Variants in ACP1 observed in about 807,000 individuals in gnomAD.
ACP1 encodes acid phosphatase 1, also known as low molecular weight phosphotyrosine protein phosphatase.
ACP1 carries 23 observed loss-of-function variants against 23.4 expected under a neutral mutation model. That is an observed-to-expected ratio of 0.98 (90% CI 0.71 to 1.39). The LOEUF is 1.39. Among genes scored for constraint, ACP1 ranks in the 40% most tolerant of loss-of-function variants. The pLI is 0.00. For synonymous variants in ACP1, 72 were observed against 67.2 expected, an observed-to-expected ratio of 1.07 and a Z score of -0.35; for missense variants, 180 against 197.7, an observed-to-expected ratio of 0.91 and a Z score of 0.54.
chr2:272,970 A>T (rs185523424), intron 3 of ACP1: 1 of 154,434 alleles, frequency 6.5e-6, no homozygotes, highest in African/African-American at 2.4e-5. Flanking sequence ...ATCCATCCTC[A>T]TCTCTTCAGG....
chr2:268,482 T>C (rs1321728225), intron 1 of ACP1, among the ~76,000 whole-genome samples: 5 of 152,206 alleles, frequency 3.3e-5, no homozygotes. Flanking sequence ...TTAGTGAAGA[T>C]GATGCAGGAG....
Position 272,153 on chromosome 2 carries a change from A to G in ACP1, c.231+3A>G. 6.2e-7 allele frequency: 1 copy of G among 1,614,218 alleles called. No individual in the cohort carries two copies. The highest frequency in any genetic ancestry group is 8.5e-7 in the Non-Finnish European group (1 of 1,180,042). On this transcript the variant is annotated splice_donor_region_variant and intron_variant, in intron 3 of 5. Coordinates refer to ENST00000272065, the MANE Select transcript of ACP1 (RefSeq NM_004300.4). ...CCATGAGCCACGTTGCCCGGCAGGT[A>G]CCGTCCTTGGACTTGAAGTTGTGTG...
chr2:277,457 G>A lies in ACP1; in HGVS notation c.*153G>A, dbSNP rs1460252540. The A allele has an allele frequency of 1.7e-4, 114 of 674,238 alleles. 1 individual carries two copies. The East Asian group carries it at 3.0e-3, about 18-fold the overall frequency. The allele number at this position is 674,238 out of a possible 1,614,324, so 41.8% of individuals were successfully genotyped here. A position where few individuals can be genotyped will look rare whatever the true frequency, so the allele number is the denominator to read the frequency against. Reference sequence around the variant, plus strand: ...CTTACCTTAAAAAGTAATTGTAGATGGAAATCAGTTGTGTTTGGCAGGAGA... The same window carrying A: ...CTTACCTTAAAAAGTAATTGTAGATAGAAATCAGTTGTGTTTGGCAGGAGA... On this transcript the variant is annotated 3_prime_UTR_variant, in exon 6 of 6. Coordinates refer to ENST00000272065, the MANE Select transcript of ACP1 (RefSeq NM_004300.4).
At chr2:275,945 A>T (rs1670159460) in intron 4 of ACP1, among the ~76,000 whole-genome samples, 1 of 152,214 alleles carries the variant, frequency 6.6e-6, no homozygotes, top group African/African-American at 2.4e-5. Context: ...TTTTTTATTA[A>T]TTAGGACCTT....
chr2:272,396 G>T (rs1480935125), intron 3 of ACP1: 1 of 1,507,284 alleles, frequency 6.6e-7, no homozygotes, highest in African/African-American at 1.4e-5. Context: ...ATTAATGAAT[G>T]TGTTTATTTA....
At chr2:275,111 CTG>C (rs1322097389) in intron 3 of ACP1, 27 bp from the exon 4 acceptor site, 5 of 1,288,340 alleles carry the variant, frequency 3.9e-6, no homozygotes, top group African/African-American at 2.9e-5. Flanking sequence ...GGTATAAACA[CTG>C]TGTTTTGACT....
At chr2:269,777 C>G (rs1487602534) in intron 1 of ACP1, among the ~76,000 whole-genome samples, 1 of 152,228 alleles carries the variant, frequency 6.6e-6, no homozygotes, top group Non-Finnish European at 1.5e-5. Flanking sequence ...GACAGCATTT[C>G]AGAGGGGCCC....
At chr2:267,322 C>T (rs1245338706) in intron 1 of ACP1, among the ~76,000 whole-genome samples, 1 of 152,182 alleles carries the variant, frequency 6.6e-6, no homozygotes, top group Non-Finnish European at 1.5e-5. Flanking sequence ...CTCTGGAGCT[C>T]ACGTTCTCTC....
rs771531046 is a variant in ACP1, at chr2:277,001, T to C, written c.315T>C (p.Asn105=). ...ACAGAGATTTGAATAGAAAAAGTAA[T>C]CAAGTTAAAACCTGCAAAGCTAAAA... ...SNLRDLNRKS[N]QVKTCKAKIE... Residue 105 remains asparagine (N), a synonymous_variant, in exon 5 of 6, where the codon AAT becomes AAC. Transcript: ENST00000272065. 6.2e-7 allele frequency: 1 copy of C among 1,604,310 alleles called. No individual in the cohort carries two copies. The highest frequency in any genetic ancestry group is 8.5e-7 in the Non-Finnish European group (1 of 1,175,040).
chr2:268,006 G>A (rs970593736), intron 1 of ACP1, among the ~76,000 whole-genome samples: 1 of 152,170 alleles, frequency 6.6e-6, no homozygotes, highest in Non-Finnish European at 1.5e-5. Flanking sequence ...TCTTACCGCT[G>A]TGGGCTGTAC....
At chr2:266,732 G>C (rs896407279) in intron 1 of ACP1, among the ~76,000 whole-genome samples, 1 of 152,158 alleles carries the variant, frequency 6.6e-6, no homozygotes, top group Non-Finnish European at 1.5e-5. Flanking sequence ...CTTTTTCCTT[G>C]TTTACATTTT....
chr2:275,320 C>A, intron 4 of ACP1, 119 bp downstream of exon 4: 1 of 474,094 alleles, frequency 2.1e-6, no homozygotes, highest in East Asian at 3.1e-5. Context: ...TGATGGTCAC[C>A]ATATGTAGAA....
intron 3 of ACP1, chr2:272,470 G>T: frequency 7.0e-7 from 1 of 1,435,142 alleles, no homozygotes; most frequent in Non-Finnish European, 9.1e-7. Context: ...GGTGTTGAAA[G>T]ACTTGCCTGA....
chr2:277,192 G>A, intron 5 of ACP1, 35 bp from the exon 6 acceptor site: 5 of 1,610,352 alleles, frequency 3.1e-6, no homozygotes, highest in Middle Eastern at 1.7e-4. Context: ...TGTTATGCAG[G>A]TTTTGCCATT....
At chr2:265,040 G>A in intron 1 of ACP1, 33 bp downstream of exon 1, 2 of 1,609,454 alleles carry the variant, frequency 1.2e-6, no homozygotes, top group African/African-American at 1.3e-5. Context: ...ATGTTCTGAC[G>A]TCCTCTGGAG....
intron 1 of ACP1, 45 bp from the exon 2 acceptor site, chr2:271,820 TC>T (rs1558263080): frequency 6.7e-7 from 1 of 1,489,822 alleles, no homozygotes; most frequent in East Asian, 2.3e-5. Flanking sequence ...CATGTGCCCT[TC>T]CATCCAACCT....
In ACP1 at chr2:268,800, TAC is replaced by T. The variant is rs567933796; in HGVS notation, c.44-3064_44-3063del. ...CTTGTTTGATAGGCGAAACCTGAAG[TAC>T]ATGCAGTGTTTCACTGATGACCGGG... On this transcript the variant is annotated intron_variant, in intron 1 of 5. Transcript: ENST00000272065. Among the ~76,000 whole-genome samples the T allele has an allele frequency of 1.2e-4, 18 of 152,346 alleles. 1 individual carries two copies. In the South Asian group the frequency reaches 3.5e-3, roughly 30 times the overall value.
At chr2:277,113 A>T in intron 5 of ACP1, 28 bp downstream of exon 5, 1 of 1,579,922 alleles carries the variant, frequency 6.3e-7, no homozygotes. Context: ...TTTAGGGCTA[A>T]TATGAAGACC....
intron 1 of ACP1, chr2:266,536 T>G (rs1165043518): frequency 6.6e-6 from 1 of 152,230 alleles, no homozygotes; most frequent in Non-Finnish European, 1.5e-5. Flanking sequence ...AGGGGATACA[T>G]TCCAAGACTC....
Sources: gnomAD v4.1 joint callset for allele counts (sites outside exome capture counted in the v4.1 genomes callset) on GRCh38, gnomAD v4.1.1 for gene constraint, MANE v1.5 for transcripts, NCBI Gene and HGNC (gene_info 2026-07-23, HGNC 2026-07-21) for gene names.